MBNL1: variants seen among roughly 807,000 people sequenced by gnomAD.
MBNL1 encodes the protein muscleblind-like protein 1.
A neutral mutation model predicts 42.2 loss-of-function variants in MBNL1; 8 were observed. That is an observed-to-expected ratio of 0.19 (90% confidence interval 0.11 to 0.34). The LOEUF is 0.34. Among genes scored for constraint, MBNL1 ranks in the 10% least tolerant of loss-of-function variants. The pLI is 1.00. For synonymous variants in MBNL1, 169 were observed against 173.9 expected, an observed-to-expected ratio of 0.97 and a Z score of 0.22; for missense variants, 309 against 495.3, an observed-to-expected ratio of 0.62 and a Z score of 3.57.
intron 7 of MBNL1, 54 bp downstream of exon 7, chr3:152,455,631 C>T: frequency 3.3e-6 from 5 of 1,513,902 alleles, no homozygotes; most frequent in Admixed American, 1.7e-5. Flanking sequence ...TACCTCACAG[C>T]CCCTCAAAAT....
At chr3:152,419,740 T>A (rs928011174) in intron 3 of MBNL1, among the ~76,000 whole-genome samples, 6 of 151,926 alleles carry the variant, frequency 3.9e-5, no homozygotes, top group African/African-American at 1.2e-4. Context: ...CTCTAGTGGC[T>A]CCTGGAACAC....
intron 2 of MBNL1, among the ~76,000 whole-genome samples, chr3:152,406,357 A>C (rs1406897318): frequency 6.6e-6 from 1 of 152,220 alleles, no homozygotes; most frequent in African/African-American, 2.4e-5. Context: ...GGAGATTAAG[A>C]TTTCTTCAGA....
chr3:152,258,938 A>AT (rs1559939603), intron 2 of MBNL1, among the ~76,000 whole-genome samples: 2 of 152,190 alleles, frequency 1.3e-5, no homozygotes, highest in African/African-American at 4.8e-5. Context: ...GCTTCTTGGT[A>AT]TTTAGGGACC....
intron 2 of MBNL1, among the ~76,000 whole-genome samples, chr3:152,328,450 T>G (rs372233061): frequency 3.3e-5 from 5 of 152,150 alleles, no homozygotes; most frequent in South Asian, 2.1e-4. Context: ...CTGAGATGTT[T>G]TCTCTAAAGC....
At chr3:152,349,852 G>C (rs2094738098) in intron 2 of MBNL1, among the ~76,000 whole-genome samples, 1 of 152,058 alleles carries the variant, frequency 6.6e-6, no homozygotes, top group African/African-American at 2.4e-5. Flanking sequence ...AAATTACCTT[G>C]AGATTTATAG....
chr3:152,338,021 C>T lies in MBNL1; in HGVS notation c.174+37654C>T, dbSNP rs188537082. ...TTTTGTATTTGTAAATTAAATATTG[C>T]GATGACAAGATATAATAATTTTATG... is the stretch of plus-strand genomic sequence containing the variant. On this transcript the variant is annotated intron_variant, in intron 2 of 9. Transcript: ENST00000324210. 4.3e-5 allele frequency: 38 copies of T among 883,460 alleles called. No individual in the cohort carries two copies. In the Admixed American group the frequency reaches 4.3e-4, roughly 10 times the overall value. The allele number at this position is 883,460 out of a possible 1,614,324, so 54.7% of individuals were successfully genotyped here. A position where few individuals can be genotyped will look rare whatever the true frequency, so the allele number is the denominator to read the frequency against.
intron 2 of MBNL1, among the ~76,000 whole-genome samples, chr3:152,258,903 T>C (rs2035834062): frequency 6.6e-6 from 1 of 152,238 alleles, no homozygotes; most frequent in African/African-American, 2.4e-5. Flanking sequence ...TCAAGAAAAG[T>C]TGACACCTTC....
chr3:152,315,146 GA>G (rs1226052629), intron 2 of MBNL1, among the ~76,000 whole-genome samples: 1 of 152,212 alleles, frequency 6.6e-6, no homozygotes, highest in African/African-American at 2.4e-5. Flanking sequence ...ACAATTAGGA[GA>G]AAGTACAGGA....
chr3:152,268,643 G>A (rs1173891455), upstream of MBNL1: 1 of 413,160 alleles, frequency 2.4e-6, no homozygotes, highest in Non-Finnish European at 4.8e-6. Flanking sequence ...GGGATCCACG[G>A]CGCCCGCGCG....
chr3:152,285,437 T>C (rs2150586429), intron 1 of MBNL1, among the ~76,000 whole-genome samples: 1 of 152,300 alleles, frequency 6.6e-6, no homozygotes, highest in East Asian at 1.9e-4. Flanking sequence ...AATTTATTTG[T>C]TCACAAATGA....
intron 3 of MBNL1, among the ~76,000 whole-genome samples, chr3:152,416,550 CT>C (rs2098705353): frequency 6.6e-6 from 1 of 152,184 alleles, no homozygotes; most frequent in Non-Finnish European, 1.5e-5. Flanking sequence ...TGGCTACCAC[CT>C]TAGCTCCTCT....
chr3:152,415,153 A>G (rs891771332), intron 3 of MBNL1, 42 bp downstream of exon 3: 48 of 1,522,178 alleles, frequency 3.2e-5, no homozygotes, highest in Non-Finnish European at 4.1e-5. Flanking sequence ...TTTTTGATTC[A>G]AAGTGCTCAG....
intron 2 of MBNL1, among the ~76,000 whole-genome samples, chr3:152,382,133 A>G (rs1224383184): frequency 6.6e-6 from 1 of 152,100 alleles, no homozygotes; most frequent in Non-Finnish European, 1.5e-5. Flanking sequence ...AGCAAATATA[A>G]GTATGAAATA....
chr3:152,328,915 T>C (rs34447755), intron 2 of MBNL1, among the ~76,000 whole-genome samples: 16,618 of 152,184 alleles, frequency 0.11, 1,171 homozygotes, highest in Middle Eastern at 0.18. Context: ...TACATAAATA[T>C]TGGCTATTTT....
chr3:152,349,663 TAAAC>T (rs922567083), intron 2 of MBNL1, among the ~76,000 whole-genome samples: 2 of 152,086 alleles, frequency 1.3e-5, no homozygotes, highest in Admixed American at 1.3e-4. Context: ...CGGTCCATCT[TAAAC>T]AATAAAATTA....
At chr3:152,304,880 C>CT (rs1286277605) in intron 2 of MBNL1, among the ~76,000 whole-genome samples, 2 of 151,988 alleles carry the variant, frequency 1.3e-5, no homozygotes, top group Non-Finnish European at 2.9e-5. Context: ...TTTTAGAAAA[C>CT]TTTTTTTTAT....
chr3:152,249,013 A>G (rs904626411), intron 2 of MBNL1, among the ~76,000 whole-genome samples: 31 of 151,154 alleles, frequency 2.1e-4, no homozygotes, highest in Non-Finnish European at 4.0e-4. Flanking sequence ...AATCTAGTCT[A>G]TCATTGTTGG....
At chr3:152,405,914 T>C (rs1292885523) in intron 2 of MBNL1, among the ~76,000 whole-genome samples, 2 of 152,192 alleles carry the variant, frequency 1.3e-5, no homozygotes, top group Non-Finnish European at 2.9e-5. Context: ...GTATTTCAGC[T>C]ACAAACAGTT....
At chr3:152,338,056 A>G (rs2152774476) in intron 2 of MBNL1, 1 of 929,054 alleles carries the variant, frequency 1.1e-6, no homozygotes, top group East Asian at 1.2e-4. Context: ...GTCACTTATT[A>G]GATTTTTAAC....
Sources: gnomAD v4.1 joint callset for allele counts (sites outside exome capture counted in the v4.1 genomes callset) on GRCh38, gnomAD v4.1.1 for gene constraint, MANE v1.5 for transcripts, NCBI Gene and HGNC (gene_info 2026-07-23, HGNC 2026-07-21) for gene names.